Variants in BABAM2 observed in about 807,000 individuals in gnomAD.
BABAM2 encodes the protein BRISC and BRCA1-A complex member 2.
In BABAM2, 31 loss-of-function variants were observed where a neutral mutation model predicts 54.7. That is an observed-to-expected ratio of 0.57 (90% CI 0.43 to 0.77). The LOEUF is 0.77. BABAM2 is among the 30% of genes least tolerant of loss of function. BABAM2 has a pLI of 0.00. For synonymous variants in BABAM2, 167 were observed against 162.9 expected (o/e 1.03, Z -0.19); for missense variants, 364 against 455.8 (o/e 0.80, Z 1.83).
At position 28,329,994 on chromosome 2, in the gene BABAM2, C is replaced by A. The variant is rs1442072240; in HGVS notation, c.1089-8456C>A. 6.6e-6 allele frequency among the ~76,000 whole-genome samples: 1 copy of A among 152,172 alleles called. No individual in the cohort carries two copies. Among genetic ancestry groups the A allele is most frequent in the Non-Finnish European group, 1.5e-5 (1 of 68,024 alleles). ...AAAAGCTTATCCACCACAATCAAGT[C>A]AGCTTCATCCCCAGGATGCAAGGCT... is the stretch of plus-strand genomic sequence containing the variant. On this transcript the variant is annotated intron_variant, in intron 11 of 11. Coordinates refer to ENST00000379624, the MANE Select transcript of BABAM2 (RefSeq NM_199191.3). This position sits in a 1 kb window ranked among gnomAD's most constrained non-coding sequence, Gnocchi z 4.2.
rs1573334898 is a variant in BABAM2 at position 27,988,014 on chromosome 2, A to G, written c.227A>G (p.Gln76Arg). Residue 76 changes from glutamine to arginine, a missense_variant, in exon 4 of 12, where the codon CAA becomes CGA. Coordinates refer to ENST00000379624, the MANE Select transcript of BABAM2 (RefSeq NM_199191.3). ...TLKWDIIFNA[Q>R]YPELPPDFIF... ...TCAGGGGATATCATTTTCAATGCCC[A>G]ATACCCAGAACTGCCTCCCGATTTT... The G allele has an allele frequency of 6.8e-6, 11 of 1,613,302 alleles. No individual in the cohort carries two copies. The East Asian group carries it at 2.2e-4, about 33-fold the overall frequency.
At chr2:28,128,215 C>A (rs1669740368) in intron 6 of BABAM2, among the ~76,000 whole-genome samples, 1 of 152,108 alleles carries the variant, frequency 6.6e-6, no homozygotes, top group African/African-American at 2.4e-5. Context: ...AAATATAGGT[C>A]CGTTCTTACC....
intron 3 of BABAM2, among the ~76,000 whole-genome samples, chr2:27,950,012 A>C (rs1295197658): frequency 6.6e-6 from 1 of 152,148 alleles, no homozygotes; most frequent in African/African-American, 2.4e-5. Context: ...AAGATTAACC[A>C]ATGCAAGTGT....
At chr2:28,057,482 A>G (rs1678521371) in intron 6 of BABAM2, among the ~76,000 whole-genome samples, 1 of 151,890 alleles carries the variant, frequency 6.6e-6, no homozygotes, top group Admixed American at 6.6e-5. Context: ...GGATGTGATC[A>G]CTACAGGTGA....
chr2:27,982,844 T>TATAC (rs1553405520), intron 3 of BABAM2, among the ~76,000 whole-genome samples: 24,307 of 127,104 alleles, frequency 0.19, 2,210 homozygotes, highest in Middle Eastern at 0.24. Flanking sequence ...TCATTATGTG[T>TATAC]ACACACACAC....
chr2:27,985,722 G>A (rs189916435), intron 3 of BABAM2, among the ~76,000 whole-genome samples: 15 of 152,220 alleles, frequency 9.9e-5, no homozygotes, highest in Non-Finnish European at 1.5e-4. Context: ...ACCTTGTACC[G>A]CTGTGTATTT....
chr2:28,093,984 T>C (rs1666382894), intron 6 of BABAM2, among the ~76,000 whole-genome samples: 1 of 152,124 alleles, frequency 6.6e-6, no homozygotes, highest in Non-Finnish European at 1.5e-5. Flanking sequence ...ACCAAATTGT[T>C]CTCTGTCCTG....
At chr2:28,003,085 C>A (rs1673693396) in intron 4 of BABAM2, among the ~76,000 whole-genome samples, 1 of 152,126 alleles carries the variant, frequency 6.6e-6, no homozygotes, top group South Asian at 2.1e-4. Context: ...CAATATACTT[C>A]ATGTAGGCAA....
chr2:28,129,463 T>C, intron 7 of BABAM2, 83 bp downstream of exon 7: 2 of 1,186,950 alleles, frequency 1.7e-6, no homozygotes, highest in Non-Finnish European at 1.2e-6. Flanking sequence ...ACTCTTGAAC[T>C]CTTACATTTA....
chr2:27,997,808 C>T (rs1487014928), intron 4 of BABAM2, among the ~76,000 whole-genome samples: 4 of 152,118 alleles, frequency 2.6e-5, no homozygotes, highest in Non-Finnish European at 5.9e-5. Context: ...TGTAAAACAG[C>T]TATTGGGAAA....
intron 7 of BABAM2, among the ~76,000 whole-genome samples, chr2:28,218,133 C>T (rs943385159): frequency 2.5e-4 from 38 of 152,174 alleles, no homozygotes; most frequent in Non-Finnish European, 5.9e-5. Flanking sequence ...TTTGTATCTG[C>T]TCATTTTTTT....
chr2:28,026,917 A>AAT (rs1298714776), intron 5 of BABAM2, among the ~76,000 whole-genome samples: 11 of 29,474 alleles, frequency 3.7e-4, no homozygotes, highest in South Asian at 3.4e-3. Context: ...AATATATATT[A>AAT]ATATATATAA....
At chr2:27,912,162 G>A (rs902342003) in intron 2 of BABAM2, among the ~76,000 whole-genome samples, 1 of 152,134 alleles carries the variant, frequency 6.6e-6, no homozygotes, top group South Asian at 2.1e-4. Flanking sequence ...TTCATTGTTG[G>A]AACTGGGGCA....
intron 6 of BABAM2, among the ~76,000 whole-genome samples, chr2:28,058,477 G>C (rs1466983462): frequency 6.6e-6 from 1 of 151,820 alleles, no homozygotes; most frequent in Non-Finnish European, 1.5e-5. Flanking sequence ...CATAGTCAGG[G>C]CTCAAGGTGA....
At position 28,295,833 on chromosome 2, in the gene BABAM2, C is replaced by T. The variant is rs184937650; in HGVS notation, c.935-2505C>T. On this transcript the variant is annotated intron_variant, in intron 10 of 11. Coordinates refer to ENST00000379624, the MANE Select transcript of BABAM2 (RefSeq NM_199191.3). ...TTTTTAAAAAATTAATCAGAAGAGG[C>T]GCGGTGGTTCACGCCTGTAATCCCA... Among the ~76,000 whole-genome samples, 231 of 151,468 alleles carry T rather than the reference C, an allele frequency of 1.5e-3. 1 individual carries two copies. The highest frequency in any genetic ancestry group is 1.4e-3 in the East Asian group (7 of 4,960).
At chr2:28,189,034 C>T (rs55686633) in intron 7 of BABAM2, among the ~76,000 whole-genome samples, 34,043 of 151,934 alleles carry the variant, frequency 0.22, 4,748 homozygotes, top group Non-Finnish European at 0.32. Flanking sequence ...AACCCCGTCT[C>T]CACTAAAAAT....
At chr2:27,975,042 C>G (rs1671488686) in intron 3 of BABAM2, among the ~76,000 whole-genome samples, 1 of 151,944 alleles carries the variant, frequency 6.6e-6, no homozygotes, top group African/African-American at 2.4e-5. Flanking sequence ...TGTTCAGTAT[C>G]TATATGTAGA....
Position 27,944,382 on chromosome 2 carries a change from C to A in BABAM2, c.205+14474C>A, listed in dbSNP as rs115437518. ...AGAACATTTCCTTACCCACACAAAT[C>A]GGTCCCCTCCACCACCTTCCTCTTA... is the stretch of plus-strand genomic sequence containing the variant. On this transcript the variant is annotated intron_variant, in intron 3 of 11. Coordinates refer to ENST00000379624, the MANE Select transcript of BABAM2 (RefSeq NM_199191.3). Among the ~76,000 whole-genome samples, 1,395 of 152,250 alleles carry A rather than the reference C, an allele frequency of 9.2e-3. 9 individuals are homozygous for A. The highest frequency in any genetic ancestry group is 0.014 in the Non-Finnish European group (972 of 68,010).
intron 7 of BABAM2, among the ~76,000 whole-genome samples, chr2:28,234,681 A>G (rs1244346509): frequency 6.6e-6 from 1 of 152,246 alleles, no homozygotes; most frequent in East Asian, 1.9e-4. Flanking sequence ...TATGTTATAC[A>G]GATATTCAAC....
Sources: gnomAD v4.1 joint callset for allele counts (sites outside exome capture counted in the v4.1 genomes callset) on GRCh38, gnomAD v4.1.1 for gene constraint, Gnocchi (gnomAD v3.1) non-coding constraint, MANE v1.5 for transcripts, NCBI Gene and HGNC (gene_info 2026-07-23, HGNC 2026-07-21) for gene names.